Variants in HADH observed in about 807,000 individuals in gnomAD.
The protein encoded by HADH is hydroxyacyl-CoA dehydrogenase.
HADH carries 24 observed loss-of-function variants against 32.2 expected under a neutral mutation model. That is an observed-to-expected ratio of 0.75 (90% CI 0.54 to 1.05). The LOEUF is 1.05. HADH is among the 50% of genes least tolerant of loss of function. HADH has a pLI of 0.00. For synonymous variants in HADH, 139 were observed against 152.5 expected (o/e 0.91, Z 0.65); for missense variants, 350 against 397.1 (o/e 0.88, Z 1.01).
At chr4:108,019,384 C>CA (rs1272381035) in intron 3 of HADH, among the ~76,000 whole-genome samples, 156 bp from the exon 4 acceptor site, 1 of 152,110 alleles carries the variant, frequency 6.6e-6, no homozygotes, top group Non-Finnish European at 1.5e-5. Context: ...TGATTTCAGC[C>CA]TCTTATATGA....
At chr4:108,023,331 T>C in intron 4 of HADH, 143 bp from the exon 5 acceptor site, 2 of 650,836 alleles carry the variant, frequency 3.1e-6, no homozygotes, top group Non-Finnish European at 5.6e-6. Context: ...ACATTGTTTC[T>C]GGCTTGAGAT....
chr4:108,025,620 G>C (rs1322081675), intron 5 of HADH: 1 of 152,196 alleles, frequency 6.6e-6, no homozygotes, highest in Non-Finnish European at 1.5e-5. Flanking sequence ...TAGGCACGGT[G>C]CCTCACGCCT....
rs1255513271 is a variant in HADH, at chr4:108,019,706, C to G, written c.546+40C>G. 3.1e-6 allele frequency: 5 copies of G among 1,612,046 alleles called. No individual in the cohort carries two copies. The South Asian group carries it at 3.3e-5, about 11-fold the overall frequency. ...GCTTGTGTGTGTCTGCCCGCTCTGC[C>G]AGCTCTCTCAGTCCTGCTTTTCTGT... On this transcript the variant is annotated intron_variant, in intron 4 of 7. Transcript: ENST00000309522.
chr4:108,005,190 A>C, intron 1 of HADH: 2 of 249,816 alleles, frequency 8.0e-6, no homozygotes, highest in South Asian at 6.5e-5. Context: ...ACTTACATTA[A>C]ACAATCTTAA....
chr4:108,021,805 C>T (rs539943252), intron 4 of HADH, among the ~76,000 whole-genome samples: 3 of 152,168 alleles, frequency 2.0e-5, no homozygotes, highest in Admixed American at 6.5e-5. Flanking sequence ...TTGTGGTACC[C>T]GCAGGGTGGC....
intron 1 of HADH, among the ~76,000 whole-genome samples, chr4:107,991,645 T>C (rs1252239329): frequency 6.6e-6 from 1 of 152,188 alleles, no homozygotes; most frequent in Non-Finnish European, 1.5e-5. Flanking sequence ...ATGTTGTATG[T>C]GGACTGGGAG....
chr4:108,017,207 G>A (rs1418485236), intron 3 of HADH, among the ~76,000 whole-genome samples: 1 of 152,186 alleles, frequency 6.6e-6, no homozygotes, highest in East Asian at 1.9e-4. Flanking sequence ...ATACATTTCG[G>A]GTTGGAAGCC....
At chr4:108,023,945 G>T in intron 5 of HADH, 1 of 190,192 alleles carries the variant, frequency 5.3e-6, no homozygotes, top group Non-Finnish European at 1.1e-5. Flanking sequence ...CTTTACTTTT[G>T]CAAGAAATAC....
At chr4:108,004,797 T>G in intron 1 of HADH, 1 of 1,536,002 alleles carries the variant, frequency 6.5e-7, no homozygotes, top group Non-Finnish European at 8.7e-7. Context: ...CCTTAGGAGT[T>G]ACTACACTTC....
intron 1 of HADH, among the ~76,000 whole-genome samples, chr4:108,003,811 TAAAAA>T (rs74268353): frequency 6.8e-6 from 1 of 146,720 alleles, no homozygotes; most frequent in Admixed American, 6.7e-5. Flanking sequence ...AGCCCAGAAT[TAAAAA>T]AAAAAAAAAA....
intron 4 of HADH, among the ~76,000 whole-genome samples, chr4:108,022,201 ATGTGTGTGTGTG>A (rs56746496): frequency 7.2e-6 from 1 of 139,666 alleles, no homozygotes; most frequent in Non-Finnish European, 1.5e-5. Flanking sequence ...GTGTGTGTGT[ATGTGTGTGTGTG>A]TGTGTGTGTG....
intron 4 of HADH, among the ~76,000 whole-genome samples, chr4:108,020,470 G>A (rs1735845402): frequency 6.6e-6 from 1 of 151,902 alleles, no homozygotes; most frequent in African/African-American, 2.4e-5. Context: ...ATCCTATATC[G>A]AATAAAAAAA....
intron 1 of HADH, among the ~76,000 whole-genome samples, chr4:108,003,864 C>A (rs1735202741): frequency 6.6e-6 from 1 of 151,784 alleles, no homozygotes; most frequent in African/African-American, 2.4e-5. Flanking sequence ...ATGTGCCAGG[C>A]ACCACTGCAG....
intron 1 of HADH, among the ~76,000 whole-genome samples, chr4:107,994,548 C>T (rs1196595038): frequency 1.3e-5 from 2 of 152,152 alleles, no homozygotes; most frequent in Non-Finnish European, 2.9e-5. Flanking sequence ...TTGAGCTGTA[C>T]AGTACAGTAC....
At chr4:108,021,109 G>A (rs1036132715) in intron 4 of HADH, among the ~76,000 whole-genome samples, 1 of 152,038 alleles carries the variant, frequency 6.6e-6, no homozygotes, top group Non-Finnish European at 1.5e-5. Context: ...AGGGATTTGG[G>A]GAACAGAAGA....
chr4:107,998,730 G>T (rs1296144151), intron 1 of HADH, among the ~76,000 whole-genome samples: 1 of 150,546 alleles, frequency 6.6e-6, no homozygotes, highest in Non-Finnish European at 1.5e-5. Context: ...TTGTTTTTTT[G>T]TTTTTTTTTC....
intron 6 of HADH, chr4:108,030,846 T>G (rs1490279162): frequency 6.6e-6 from 1 of 152,232 alleles, no homozygotes; most frequent in East Asian, 1.9e-4. Flanking sequence ...AATCTCTGTA[T>G]TTTGTTTCTC....
At chr4:108,025,719 C>T (rs1018041518) in intron 5 of HADH, 1 of 152,096 alleles carries the variant, frequency 6.6e-6, no homozygotes, top group African/African-American at 2.4e-5. Flanking sequence ...CAAAAACCCT[C>T]TCTACAGAAA....
chr4:107,992,230 C>T (rs1734837579), intron 1 of HADH, among the ~76,000 whole-genome samples: 1 of 152,170 alleles, frequency 6.6e-6, no homozygotes, highest in African/African-American at 2.4e-5. Context: ...ATAGGCTGGA[C>T]ACATAATGGA....
Sources: gnomAD v4.1 joint callset for allele counts (sites outside exome capture counted in the v4.1 genomes callset) on GRCh38, gnomAD v4.1.1 for gene constraint, MANE v1.5 for transcripts, NCBI Gene and HGNC (gene_info 2026-07-23, HGNC 2026-07-21) for gene names.